Variants in EXPH5 observed in about 807,000 individuals in gnomAD.
EXPH5 encodes the protein exophilin 5, also known as exophilin-5.
EXPH5 carries 42 observed loss-of-function variants against 41.1 expected under a neutral mutation model. The ratio of observed to expected loss-of-function variants is 1.02; its 90% CI spans 0.80 to 1.32. EXPH5 has a LOEUF of 1.32. Among genes scored for constraint, EXPH5 ranks in the 40% most tolerant of loss-of-function variants. The probability of loss-of-function intolerance (pLI) is 0.00; values close to 1 mark genes in which losing one functional copy is unlikely to be tolerated. For missense variants in EXPH5, 2,298 were observed against 2,314.5 expected (o/e 0.99, Z 0.15); for synonymous variants, 798 against 833.5 (o/e 0.96, Z 0.73).
rs752632318 is a variant in EXPH5 at position 108,593,485 on chromosome 11, C to A, written c.52G>T (p.Ala18Ser). ...FDFSFLNDEEARKILQVLERN... is the reference protein window; with the variant it reads ...FDFSFLNDEESRKILQVLERN... ...TCCAGCACCTGAAGGATCTTCCTGG[C>A]CTCTTCGTCATTTAAGAAACTGAAA... Residue 18 changes from alanine to serine, a missense_variant, in exon 1 of 6, where the codon GCC (alanine) becomes TCC (serine). Transcript: ENST00000265843. 8.1e-6 allele frequency: 13 copies of A among 1,614,228 alleles called. No individual in the cohort carries two copies. Among genetic ancestry groups the A allele is most frequent in the Middle Eastern group, 3.3e-4 (2 of 6,062 alleles).
At chr11:108,553,163 C>T (rs996913621) in intron 1 of EXPH5, among the ~76,000 whole-genome samples, 1 of 152,148 alleles carries the variant, frequency 6.6e-6, no homozygotes, top group Non-Finnish European at 1.5e-5. Flanking sequence ...CATGCCACTG[C>T]ACTCCAGCTT....
chr11:108,598,806 G>A, the EXPH5 span, among the ~76,000 whole-genome samples: 1 of 152,182 alleles, frequency 6.6e-6, no homozygotes, highest in Non-Finnish European at 1.5e-5. Flanking sequence ...AGAAGTAAGT[G>A]TGGGCCTGAT....
chr11:108,513,054 G>A lies in EXPH5; in HGVS notation c.2453C>T (p.Thr818Ile), dbSNP rs777997658. Residue 818 changes from threonine to isoleucine, a missense_variant, in exon 6 of 6, where the codon ACA (threonine) becomes ATA (isoleucine). Coordinates refer to ENST00000265843, the MANE Select transcript of EXPH5 (RefSeq NM_015065.3). ...GTCTGTCCTGGGGAAAGATGGTGGT[G>A]TTCTGTGTTCCTGAATGAAAGGAAG... ...ASLPFIQEHR[T>I]PPSFPRTDQG... 4.3e-6 allele frequency: 7 copies of A among 1,613,304 alleles called. No individual in the cohort carries two copies. In the Admixed American group the frequency reaches 6.7e-5, roughly 15 times the overall value.
At position 108,510,893 on chromosome 11, in the gene EXPH5, T is replaced by A; in HGVS notation, c.4614A>T (p.Arg1538Ser). ...PNLESLQSEP[R>S]ELPQRSQEAN... ...CCTCCTGACTTCTTTGAGGTAATTCTCTTGGTTCAGACTGCAGACTCTCTA... is the reference window on the plus strand; with the variant it reads ...CCTCCTGACTTCTTTGAGGTAATTCACTTGGTTCAGACTGCAGACTCTCTA... The change falls in exon 6 of 6, where the codon AGA (arginine) becomes AGT (serine). Residue 1538 changes from arginine (R) to serine (S), a missense_variant. Physicochemically the swap from Arg to Ser is moderately radical, Grantham distance 110. Transcript: ENST00000265843. 6.2e-7 allele frequency: 1 copy of A among 1,614,256 alleles called. No individual in the cohort carries two copies. Among genetic ancestry groups the A allele is most frequent in the Non-Finnish European group, 8.5e-7 (1 of 1,180,046 alleles).
At chr11:108,563,274 G>T (rs1237404595) in intron 1 of EXPH5, among the ~76,000 whole-genome samples, 1 of 152,218 alleles carries the variant, frequency 6.6e-6, no homozygotes, top group East Asian at 1.9e-4. Flanking sequence ...TTTGACTGCA[G>T]AATGAAGTGC....
At chr11:108,548,515 A>G (rs1043893477) in intron 1 of EXPH5, among the ~76,000 whole-genome samples, 15 of 152,234 alleles carry the variant, frequency 9.9e-5, no homozygotes, top group African/African-American at 3.6e-4. Context: ...GGCTGTCAGG[A>G]AAGTGATGAA....
At position 108,510,286 on chromosome 11, in the gene EXPH5, T is replaced by G. The variant is rs1374430637; in HGVS notation, c.5221A>C (p.Arg1741=). The change falls in exon 6 of 6, where the codon AGG becomes CGG. Residue 1741 remains arginine (R), a synonymous_variant. Transcript: ENST00000265843. The part of the protein sequence containing the change: ...APSPITFTSL[R]EAEFSDNQRR... ...TGATTGTCAGAGAATTCTGCTTCCC[T>G]GAGGCTGGTGAATGTGATGGGTGAT... The G allele has an allele frequency of 6.2e-7, 1 of 1,614,012 alleles. No individual in the cohort carries two copies. The highest frequency in any genetic ancestry group is 1.1e-5 in the South Asian group (1 of 91,066).
At position 108,518,272 on chromosome 11, in the gene EXPH5, C is replaced by T. The variant is rs139062209; in HGVS notation, c.594G>A (p.Pro198=). Residue 198 remains proline, a synonymous_variant, in exon 5 of 6, where the codon CCG becomes CCA. Coordinates refer to ENST00000265843, the MANE Select transcript of EXPH5 (RefSeq NM_015065.3). The part of the protein sequence containing the change: ...VMREESGMPP[P]WDASLLENEF... ...CATTCTCCAGCAGTGAAGCATCCCA[C>T]GGTGGAGGCATGCCACTCTCCTCCC... is the stretch of plus-strand genomic sequence containing the variant. 9.9e-6 allele frequency: 16 copies of T among 1,613,716 alleles called. No homozygotes were observed. The highest frequency in any genetic ancestry group is 4.5e-5 in the East Asian group (2 of 44,888).
At chr11:108,545,042 ATAT>A (rs1330306966) in intron 1 of EXPH5, among the ~76,000 whole-genome samples, 1 of 152,008 alleles carries the variant, frequency 6.6e-6, no homozygotes, top group South Asian at 2.1e-4. Flanking sequence ...GAAATCAGTA[ATAT>A]TATCATAATC....
intron 1 of EXPH5, among the ~76,000 whole-genome samples, chr11:108,593,208 T>A (rs2094132343): frequency 2.6e-5 from 4 of 151,574 alleles, no homozygotes; most frequent in African/African-American, 9.7e-5. Context: ...CCGTCTGGTA[T>A]GTGGTGGGTG....
At chr11:108,559,141 G>T (rs1435650274) in intron 1 of EXPH5, among the ~76,000 whole-genome samples, 1 of 152,054 alleles carries the variant, frequency 6.6e-6, no homozygotes, top group African/African-American at 2.4e-5. Flanking sequence ...TTTTTTGCAT[G>T]CTGGTTGTCT....
At chr11:108,585,561 T>C (rs186282303) in intron 1 of EXPH5, among the ~76,000 whole-genome samples, 20 of 152,348 alleles carry the variant, frequency 1.3e-4, no homozygotes, top group Admixed American at 8.5e-4. Flanking sequence ...GGTCTAGAAC[T>C]ATAAGCAATA....
intron 4 of EXPH5, among the ~76,000 whole-genome samples, chr11:108,522,960 G>A (rs1010720790): frequency 2.6e-5 from 4 of 151,582 alleles, no homozygotes; most frequent in African/African-American, 7.3e-5. Context: ...ACAGCTCACT[G>A]TAACCCCGAA....
rs370365555 is a variant in EXPH5, at chr11:108,581,255, G to T, written c.119+12163C>A. 1.3e-4 allele frequency among the ~76,000 whole-genome samples: 20 copies of T among 152,126 alleles called. No individual in the cohort carries two copies. In the East Asian group the frequency reaches 2.5e-3, roughly 19 times the overall value. On this transcript the variant is annotated intron_variant, in intron 1 of 5. Coordinates refer to ENST00000265843, the MANE Select transcript of EXPH5 (RefSeq NM_015065.3). ...GGAGGTGGAGGTTGCAGTGAGCCCA[G>T]ATTGCACCACTGCACTCCAGCCTGG...
At chr11:108,565,429 G>T (rs1359575531) in intron 1 of EXPH5, among the ~76,000 whole-genome samples, 1 of 152,164 alleles carries the variant, frequency 6.6e-6, no homozygotes, top group Middle Eastern at 3.2e-3. Flanking sequence ...AGTGCTGAAT[G>T]TTGTCTTCAA....
chr11:108,581,715 G>A lies in EXPH5; in HGVS notation c.119+11703C>T, dbSNP rs1473211362. Among the ~76,000 whole-genome samples the A allele has an allele frequency of 3.9e-5, 6 of 152,042 alleles. No homozygotes were observed. The East Asian group carries it at 1.2e-3, about 29-fold the overall frequency. Reference sequence around the variant, plus strand: ...AAAATCAAAGTAAGACAAAAAGCAGGTCCTTTGAAAACATCAATAAATTTG... The same window carrying A: ...AAAATCAAAGTAAGACAAAAAGCAGATCCTTTGAAAACATCAATAAATTTG... On this transcript the variant is annotated intron_variant, in intron 1 of 5. Coordinates refer to ENST00000265843, the MANE Select transcript of EXPH5 (RefSeq NM_015065.3).
rs775393660 is a variant in EXPH5, at chr11:108,510,368, A to T, written c.5139T>A (p.His1713Gln). 114 of 1,613,900 alleles carry T rather than the reference A, an allele frequency of 7.1e-5. 1 individual carries two copies. In the South Asian group the frequency reaches 1.2e-3, roughly 17 times the overall value. ...FKNVSESPSK[H>Q]ENSKDVTAAQ... ...CTGCTGTGACGTCTTTAGAATTCTCATGCTTTGATGGTGATTCTGAGACGT... is the reference window on the plus strand; with the variant it reads ...CTGCTGTGACGTCTTTAGAATTCTCTTGCTTTGATGGTGATTCTGAGACGT... Residue 1713 changes from histidine (H) to glutamine (Q), a missense_variant, in exon 6 of 6, where the codon CAT becomes CAA. Transcript: ENST00000265843.
chr11:108,572,848 T>C (rs922656136), intron 1 of EXPH5, among the ~76,000 whole-genome samples: 2 of 152,112 alleles, frequency 1.3e-5, no homozygotes, highest in African/African-American at 4.8e-5. Context: ...CATGAGCCAC[T>C]GCACCCAGGC....
Position 108,514,173 on chromosome 11 carries a change from G to C in EXPH5, c.1334C>G (p.Ser445Ter), listed in dbSNP as rs1367266415. 6.2e-7 allele frequency: 1 copy of C among 1,613,980 alleles called. No individual in the cohort carries two copies. The highest frequency in any genetic ancestry group is 1.3e-5 in the African/African-American group (1 of 74,932). Reference protein sequence around the residue: ...NAMSPDTFENSENMPFYHQSN... With the variant: ...NAMSPDTFEN ...TTGATGGTAGAATGGCATGTTCTCT[G>C]AGTTCTCAAAAGTGTCGGGACTCAT... Residue 445 changes from serine to a stop codon, truncating the protein, a stop_gained, in exon 6 of 6, where the codon TCA becomes TGA. Coordinates refer to ENST00000265843, the MANE Select transcript of EXPH5 (RefSeq NM_015065.3). LOFTEE classifies it low-confidence loss of function (END_TRUNC).
Sources: gnomAD v4.1 joint callset for allele counts (sites outside exome capture counted in the v4.1 genomes callset) on GRCh38, gnomAD v4.1.1 for gene constraint, MANE v1.5 for transcripts, NCBI Gene and HGNC (gene_info 2026-07-23, HGNC 2026-07-21) for gene names.